NPTXR: variants seen among roughly 807,000 people sequenced by gnomAD.
NPTXR encodes the protein neuronal pentraxin receptor.
A neutral mutation model predicts 32.2 loss-of-function variants in NPTXR; 12 were observed. That is an observed-to-expected ratio of 0.37 (90% CI 0.24 to 0.60). The LOEUF is 0.60. Ranked by LOEUF, NPTXR falls within the 20% of genes least tolerant of loss-of-function variation. NPTXR has a pLI of 0.66. For synonymous variants in NPTXR, 323 were observed against 315.8 expected, an observed-to-expected ratio of 1.02 and a Z score of -0.24; for missense variants, 612 against 682.9, an observed-to-expected ratio of 0.90 and a Z score of 1.16.
rs749378393 is a variant in NPTXR at position 38,828,345 on chromosome 22, C to A, written c.792G>T (p.Arg264Ser). The change falls in exon 2 of 5, where the codon AGG becomes AGT. Residue 264 changes from arginine (R) to serine (S), a missense_variant. Physicochemically the swap from Arg to Ser is moderately radical, Grantham distance 110. Transcript: ENST00000333039. ...CGTCCAACTCCTTTTCCACTTCCTG[C>A]CTCTGCCGGCGGCTGCTGTGGCTGA... 3 of 1,613,298 alleles carry A rather than the reference C, an allele frequency of 1.9e-6. No homozygotes were observed. Among genetic ancestry groups the A allele is most frequent in the Non-Finnish European group, 2.5e-6 (3 of 1,180,032 alleles).
In NPTXR at chr22:38,843,607, C is replaced by T; in HGVS notation, c.252G>A (p.Pro84=). The change falls in exon 1 of 5, where the codon CCG becomes CCA. Residue 84 remains proline (P), a synonymous_variant. Coordinates refer to ENST00000333039, the MANE Select transcript of NPTXR (RefSeq NM_014293.4). The surrounding 1 kb of genome is among the most constrained non-coding windows in gnomAD (Gnocchi z 5.3). Reference sequence around the variant, plus strand: ...GGCTGAACAGGGGCCCGGGCGGCAGCGGGTGCGCGCTGGCCGCGGGTGCCC... The same window carrying T: ...GGCTGAACAGGGGCCCGGGCGGCAGTGGGTGCGCGCTGGCCGCGGGTGCCC... 5 of 1,173,048 alleles carry T rather than the reference C, an allele frequency of 4.3e-6. No individual in the cohort carries two copies. The highest frequency in any genetic ancestry group is 5.3e-6 in the Non-Finnish European group (5 of 951,534). 72.7% of individuals were successfully genotyped at this position (1,173,048 alleles called of 1,614,324 possible).
intron 3 of NPTXR, among the ~76,000 whole-genome samples, chr22:38,825,378 G>A (rs552932660): frequency 6.6e-6 from 1 of 152,278 alleles, no homozygotes; most frequent in African/African-American, 2.4e-5. Context: ...GCAAAATGGG[G>A]ATAATGAGGG....
Position 38,834,974 on chromosome 22 carries a change from G to A in NPTXR, c.625-6462C>T, listed in dbSNP as rs2015694306. Among the ~76,000 whole-genome samples the A allele has an allele frequency of 1.3e-5, 2 of 152,224 alleles. No individual in the cohort carries two copies. The highest frequency in any genetic ancestry group is 2.4e-5 in the African/African-American group (1 of 41,454). On this transcript the variant is annotated intron_variant, in intron 1 of 4. Transcript: ENST00000333039. The surrounding 1 kb of genome is among the most constrained non-coding windows in gnomAD (Gnocchi z 4.4). ...GGCCCTGGAGCCAGACTGCCTGGGTGGAAATGCCAGCTGAGTGAGCTGGAC... is the reference window on the plus strand; with the variant it reads ...GGCCCTGGAGCCAGACTGCCTGGGTAGAAATGCCAGCTGAGTGAGCTGGAC...
chr22:38,823,812 C>A (rs1359309687), intron 3 of NPTXR, among the ~76,000 whole-genome samples: 1 of 152,202 alleles, frequency 6.6e-6, no homozygotes, highest in Non-Finnish European at 1.5e-5. Flanking sequence ...CCACCCAGGG[C>A]AGACATAGCC....
At chr22:38,830,473 C>T (rs2093114416) in intron 1 of NPTXR, among the ~76,000 whole-genome samples, 3 of 152,190 alleles carry the variant, frequency 2.0e-5, no homozygotes, top group African/African-American at 7.2e-5. Context: ...GTCCCCATTT[C>T]AGGGGCAGGA....
chr22:38,825,020 T>C (rs895754261), intron 3 of NPTXR, among the ~76,000 whole-genome samples: 5 of 151,614 alleles, frequency 3.3e-5, no homozygotes, highest in Middle Eastern at 3.4e-3. Context: ...TCCAGGGGGG[T>C]CTCAATAGAC....
intron 1 of NPTXR, among the ~76,000 whole-genome samples, chr22:38,842,961 A>G (rs1462896887): frequency 3.9e-5 from 6 of 152,148 alleles, no homozygotes; most frequent in East Asian, 3.9e-4. Context: ...TGTTATACCT[A>G]TTTTACAGAC....
Position 38,843,381 on chromosome 22 carries a change from G to A in NPTXR, c.478C>T (p.Arg160Cys). Residue 160 changes from arginine to cysteine, a missense_variant, in exon 1 of 5, where the codon CGC (arginine) becomes TGC (cysteine). Physicochemically the swap from Arg to Cys is radical, Grantham distance 180. Transcript: ENST00000333039. The surrounding 1 kb of genome is among the most constrained non-coding windows in gnomAD (Gnocchi z 5.3). The stretch of plus-strand genomic sequence containing the variant: ...CCGCGCGGCAGGCCGCTCTCGCAGC[G>A]GCCCAGCTTGCCGGTGAGCTCACGG... 1 of 1,409,934 alleles carries A rather than the reference G, an allele frequency of 7.1e-7. No individual in the cohort carries two copies. The highest frequency in any genetic ancestry group is 9.2e-7 in the Non-Finnish European group (1 of 1,091,020). 87.3% of individuals were successfully genotyped at this position (1,409,934 alleles called of 1,614,324 possible). A position where few individuals can be genotyped will look rare whatever the true frequency, so the allele number is the denominator to read the frequency against.
At chr22:38,823,767 G>T (rs939348746) in intron 3 of NPTXR, among the ~76,000 whole-genome samples, 5 of 152,172 alleles carry the variant, frequency 3.3e-5, no homozygotes, top group Non-Finnish European at 7.4e-5. Flanking sequence ...GTCAGACAAG[G>T]GATGACAAGT....
At chr22:38,833,138 T>C (rs540129250) in intron 1 of NPTXR, among the ~76,000 whole-genome samples, 1 of 152,284 alleles carries the variant, frequency 6.6e-6, no homozygotes, top group South Asian at 2.1e-4. Context: ...TCTGGGTCTG[T>C]TGAGGGTCAG....
rs1291434740 is a variant in NPTXR at position 38,823,125 on chromosome 22, G to A, written c.1236C>T (p.His412=). The change falls in exon 4 of 5, where the codon CAC becomes CAT. Residue 412 remains histidine (H), a synonymous_variant. Transcript: ENST00000333039. ...TAAGGATCCCATGAGGCTTGATGGG[G>A]TGCCAGGCAGCCAGGTTCTCACCGG... The A allele has an allele frequency of 3.1e-6, 5 of 1,614,062 alleles. No individual in the cohort carries two copies. Among genetic ancestry groups the A allele is most frequent in the African/African-American group, 1.3e-5 (1 of 74,930 alleles).
chr22:38,841,312 T>C (rs1603246927), intron 1 of NPTXR, among the ~76,000 whole-genome samples: 1 of 152,238 alleles, frequency 6.6e-6, no homozygotes, highest in South Asian at 2.1e-4. Flanking sequence ...AAGGTATACA[T>C]GGGGAAGCCA....
chr22:38,827,469 G>A (rs2093109126), intron 2 of NPTXR, among the ~76,000 whole-genome samples: 1 of 151,996 alleles, frequency 6.6e-6, no homozygotes, highest in Admixed American at 6.6e-5. Flanking sequence ...CCTGACCTCA[G>A]GTGATCCGCC....
chr22:38,821,614 T>A lies in NPTXR; in HGVS notation c.*995A>T, dbSNP rs1040294366. On this transcript the variant is annotated 3_prime_UTR_variant, in exon 5 of 5. Coordinates refer to ENST00000333039, the MANE Select transcript of NPTXR (RefSeq NM_014293.4). ...GACTTACAGAAGGCCACACAGCACA[T>A]TAGCAGGGCTGGCTAGGAACCAAGG... 3 of 152,438 alleles carry A rather than the reference T, an allele frequency of 2.0e-5. No individual in the cohort carries two copies. Among genetic ancestry groups the A allele is most frequent in the African/African-American group, 7.2e-5 (3 of 41,460 alleles). 9.4% of individuals were successfully genotyped at this position (152,438 alleles called of 1,614,324 possible).
Position 38,843,651 on chromosome 22 carries a change from C to T in NPTXR, c.208G>A (p.Gly70Arg), listed in dbSNP as rs2093135376. Residue 70 changes from glycine to arginine, a missense_variant, in exon 1 of 5, where the codon GGG becomes AGG. Physicochemically the swap from Gly to Arg is moderately radical, Grantham distance 125. Coordinates refer to ENST00000333039, the MANE Select transcript of NPTXR (RefSeq NM_014293.4). The surrounding 1 kb of genome is among the most constrained non-coding windows in gnomAD (Gnocchi z 5.3). ...GGTGCCCCGGGCAGCGCGGGGGGCC[C>T]GGCTGAACCGCCCGCGCCGTGCAGC... is the stretch of plus-strand genomic sequence containing the variant. 9 of 1,050,734 alleles carry T rather than the reference C, an allele frequency of 8.6e-6. No homozygotes were observed. Among genetic ancestry groups the T allele is most frequent in the Admixed American group, 5.5e-5 (1 of 18,038 alleles). 65.1% of individuals were successfully genotyped at this position (1,050,734 alleles called of 1,614,324 possible).
chr22:38,843,758 C>T lies in NPTXR; in HGVS notation c.101G>A (p.Arg34Gln). Reference sequence around the variant, plus strand: ...ATTGTCGGCGCCGCCGGGCAGCGCCCGCGCCGGGCTGGCCGCCAGGGGCAC... The same window carrying T: ...ATTGTCGGCGCCGCCGGGCAGCGCCTGCGCCGGGCTGGCCGCCAGGGGCAC... The change falls in exon 1 of 5, where the codon CGG (arginine) becomes CAG (glutamine). Residue 34 changes from arginine to glutamine, a missense_variant. Physicochemically the swap from Arg to Gln is conservative, Grantham distance 43. Coordinates refer to ENST00000333039, the MANE Select transcript of NPTXR (RefSeq NM_014293.4). This position sits in a 1 kb window ranked among gnomAD's most constrained non-coding sequence, Gnocchi z 5.3. The T allele has an allele frequency of 1.0e-6, 1 of 1,000,622 alleles. No homozygotes were observed. Among genetic ancestry groups the T allele is most frequent in the South Asian group, 4.5e-5 (1 of 22,114 alleles). 62.0% of individuals were successfully genotyped at this position (1,000,622 alleles called of 1,614,324 possible).
intron 1 of NPTXR, among the ~76,000 whole-genome samples, chr22:38,835,243 G>A (rs1329989218): frequency 2.0e-5 from 3 of 152,164 alleles, no homozygotes; most frequent in Non-Finnish European, 1.5e-5. Flanking sequence ...TGAGGCAGAG[G>A]CTGTTCTGGG....
Position 38,819,171 on chromosome 22 carries a change from C to G in NPTXR, c.*3438G>C, listed in dbSNP as rs2093092609. On this transcript the variant is annotated 3_prime_UTR_variant, in exon 5 of 5. Transcript: ENST00000333039. ...CTGGCAGATAACAGCTGGGAAGCAA[C>G]TGGTGCAGGGCTTGGCCCCAAGCAA... 2 of 152,302 alleles carry G rather than the reference C, an allele frequency of 1.3e-5. No homozygotes were observed. Among genetic ancestry groups the G allele is most frequent in the Non-Finnish European group, 2.9e-5 (2 of 68,076 alleles). 9.4% of individuals were successfully genotyped at this position (152,302 alleles called of 1,614,324 possible).
intron 3 of NPTXR, 110 bp from the exon 4 acceptor site, chr22:38,823,372 G>A (rs921766881): frequency 2.3e-5 from 22 of 954,886 alleles, no homozygotes; most frequent in African/African-American, 2.3e-4. Context: ...TCCAGGGCCC[G>A]ACCCCAGGCC....
Sources: allele counts gnomAD v4.1 joint callset (sites outside exome capture counted in the v4.1 genomes callset), GRCh38; gene constraint gnomAD v4.1.1; non-coding constraint Gnocchi (gnomAD v3.1); transcripts MANE v1.5; gene names NCBI Gene and HGNC (gene_info 2026-07-23, HGNC 2026-07-21).